MYLK: variants seen among roughly 807,000 people sequenced by gnomAD.
MYLK encodes myosin light chain kinase, smooth muscle.
In MYLK, 106 loss-of-function variants were observed where a neutral mutation model predicts 203.4. That is an observed-to-expected ratio of 0.52 (90% CI 0.45 to 0.61). The LOEUF (loss-of-function observed/expected upper bound fraction) is 0.61, where lower values mean the gene tolerates loss of function less well. MYLK is among the 20% of genes least tolerant of loss of function. MYLK has a pLI of 0.00. For missense variants in MYLK, 2,072 were observed against 2,442.3 expected, an observed-to-expected ratio of 0.85 and a Z score of 3.20; for synonymous variants, 867 against 959.5, an observed-to-expected ratio of 0.90 and a Z score of 1.78.
At chr3:123,720,064 A>C (rs906218956) in intron 13 of MYLK, among the ~76,000 whole-genome samples, 2 of 152,082 alleles carry the variant, frequency 1.3e-5, no homozygotes, top group Non-Finnish European at 2.9e-5. Flanking sequence ...TTCACCATTT[A>C]TGGTATCTGA....
chr3:123,787,959 A>C (rs1160988547), intron 4 of MYLK, among the ~76,000 whole-genome samples: 1 of 152,208 alleles, frequency 6.6e-6, no homozygotes, highest in Non-Finnish European at 1.5e-5. Context: ...AATACAGCAG[A>C]TGGAAGAAGG....
chr3:123,620,164 G>T, intron 32 of MYLK, 43 bp downstream of exon 32: 1 of 1,552,842 alleles, frequency 6.4e-7, no homozygotes, highest in Non-Finnish European at 8.9e-7. Flanking sequence ...TTGTTCCCCA[G>T]CCCTTTCTTT....
intron 1 of MYLK, 95 bp downstream of exon 1, chr3:123,884,111 G>A (rs1208009566): frequency 2.0e-5 from 3 of 151,888 alleles, no homozygotes; most frequent in Non-Finnish European, 2.9e-5. Flanking sequence ...AGGCACAGAC[G>A]GTGGGGGTCC....
chr3:123,709,206 T>A (rs1436326865), intron 14 of MYLK: 1 of 225,462 alleles, frequency 4.4e-6, no homozygotes, highest in African/African-American at 2.4e-5. Flanking sequence ...AGTGGTGCGA[T>A]CTCGGCTCAC....
intron 19 of MYLK, 48 bp from the exon 20 acceptor site, chr3:123,682,358 G>T: frequency 1.4e-6 from 2 of 1,406,504 alleles, no homozygotes; most frequent in South Asian, 2.5e-5. Flanking sequence ...CTGAGGAAAT[G>T]AGCAAAGGGG....
chr3:123,707,419 A>G (rs551426141), intron 16 of MYLK, among the ~76,000 whole-genome samples: 11 of 152,364 alleles, frequency 7.2e-5, no homozygotes, highest in African/African-American at 2.4e-4. Context: ...ACAGCAACAG[A>G]TAACAAATGC....
chr3:123,615,634 C>T (rs1218432701), intron 33 of MYLK, among the ~76,000 whole-genome samples: 17 of 130,360 alleles, frequency 1.3e-4, no homozygotes, highest in African/African-American at 8.9e-5. Flanking sequence ...TGTGCTCGGC[C>T]GAAAATACAA....
At chr3:123,652,595 A>T (rs2059252870) in intron 24 of MYLK, among the ~76,000 whole-genome samples, 2 of 152,166 alleles carry the variant, frequency 1.3e-5, no homozygotes, top group African/African-American at 2.4e-5. Context: ...CTGGGATGGG[A>T]GCGGTACAGG....
intron 1 of MYLK, among the ~76,000 whole-genome samples, chr3:123,878,750 T>C (rs1366465910): frequency 6.6e-6 from 1 of 152,148 alleles, no homozygotes; most frequent in Non-Finnish European, 1.5e-5. Context: ...TGCAGTGGTA[T>C]GATCTCAGCT....
chr3:123,682,411 C>T, intron 19 of MYLK, 101 bp from the exon 20 acceptor site: 1 of 926,444 alleles, frequency 1.1e-6, no homozygotes, highest in Non-Finnish European at 1.7e-6. Context: ...TCCTCCCCAA[C>T]TCTGAGGGCC....
chr3:123,701,537 T>C, intron 16 of MYLK, 28 bp from the exon 17 acceptor site: 7 of 1,610,954 alleles, frequency 4.3e-6, no homozygotes, highest in Non-Finnish European at 5.9e-6. Flanking sequence ...TCAATAAAGA[T>C]CAAGAGGCCC....
At chr3:123,675,543 T>C (rs1344993128) in intron 20 of MYLK, among the ~76,000 whole-genome samples, 1 of 152,200 alleles carries the variant, frequency 6.6e-6, no homozygotes, top group Non-Finnish European at 1.5e-5. Context: ...TCAAAAGGTC[T>C]GAGATAATGG....
rs757028840 is a variant in MYLK at position 123,648,947 on chromosome 3, G to A, written c.4415+24C>T. On this transcript the variant is annotated intron_variant, in intron 26 of 33. Coordinates refer to ENST00000360304, the MANE Select transcript of MYLK (RefSeq NM_053025.4). This position sits in a 1 kb window ranked among gnomAD's most constrained non-coding sequence, Gnocchi z 4.5. ...GCACCACCCTCACCCTGGGAGCCCA[G>A]AGGCAACTTCCCACTCCACTTACGA... 8 of 1,608,390 alleles carry A rather than the reference G, an allele frequency of 5.0e-6. No individual in the cohort carries two copies. Among genetic ancestry groups the A allele is most frequent in the Middle Eastern group, 1.7e-4 (1 of 6,012 alleles).
chr3:123,655,879 A>G (rs754161011), intron 24 of MYLK, among the ~76,000 whole-genome samples: 11 of 152,252 alleles, frequency 7.2e-5, no homozygotes, highest in Non-Finnish European at 1.5e-4. Context: ...TAAGTGCTCA[A>G]TACATGTTAG....
rs5852352 is a variant in MYLK, at chr3:123,704,747, C to CAA, written c.2390+3005_2390+3006dup. ...TGAAACCCCGTCTCTACTAAAAATA[C>CAA]AAAAAAAAAAAAAAAAAAAAAAATT... On this transcript the variant is annotated intron_variant, in intron 16 of 33. Transcript: ENST00000360304. 4.6e-3 allele frequency among the ~76,000 whole-genome samples: 401 copies of CAA among 87,664 alleles called. 6 individuals carry two copies. Among genetic ancestry groups the CAA allele is most frequent in the East Asian group, 0.016 (52 of 3,218 alleles). 57.5% of individuals were successfully genotyped at this position (87,664 alleles called of 152,430 possible).
At chr3:123,794,393 C>T (rs1179918929) in intron 3 of MYLK, among the ~76,000 whole-genome samples, 1 of 152,042 alleles carries the variant, frequency 6.6e-6, no homozygotes, top group Non-Finnish European at 1.5e-5. Flanking sequence ...AGAGTCTTGG[C>T]TGAATGAAGG....
In MYLK at chr3:123,640,244, G is replaced by A; in HGVS notation, c.4837+43C>T. ...CTCAGTGTGAGAGGAAACGGCCAGT[G>A]CAATACACACTGGTGTCCATGGGAG... On this transcript the variant is annotated intron_variant, in intron 28 of 33. Transcript: ENST00000360304. This position sits in a 1 kb window ranked among gnomAD's most constrained non-coding sequence, Gnocchi z 4.3. 3.8e-6 allele frequency: 6 copies of A among 1,570,714 alleles called. No individual in the cohort carries two copies. The South Asian group carries it at 6.7e-5, about 17-fold the overall frequency.
chr3:123,719,789 A>G (rs1468704534), intron 13 of MYLK, among the ~76,000 whole-genome samples: 1 of 152,224 alleles, frequency 6.6e-6, no homozygotes, highest in Non-Finnish European at 1.5e-5. Context: ...TGAAGCAGCC[A>G]TCAGTGCAGT....
At position 123,760,153 on chromosome 3, in the gene MYLK, T is replaced by A. The variant is rs1258173942; in HGVS notation, c.166-7615A>T. Among the ~76,000 whole-genome samples the A allele has an allele frequency of 2.0e-5, 3 of 152,300 alleles. No individual in the cohort carries two copies. The South Asian group carries it at 6.2e-4, about 32-fold the overall frequency. ...AGTGCAGATGATATCAGAATCTACT[T>A]CCATGGAGAAGTATGTATGTATGTA... On this transcript the variant is annotated intron_variant, in intron 4 of 33. Transcript: ENST00000360304.
Sources: gnomAD v4.1 joint callset for allele counts (sites outside exome capture counted in the v4.1 genomes callset) on GRCh38, gnomAD v4.1.1 for gene constraint, Gnocchi (gnomAD v3.1) non-coding constraint, MANE v1.5 for transcripts, NCBI Gene and HGNC (gene_info 2026-07-23, HGNC 2026-07-21) for gene names.